Variants in PPARGC1A observed in about 807,000 individuals in gnomAD.
The protein encoded by PPARGC1A is peroxisome proliferator-activated receptor gamma coactivator 1-alpha.
In PPARGC1A, 25 loss-of-function variants were observed where a neutral mutation model predicts 88.7. That is an observed-to-expected ratio of 0.28 (90% confidence interval 0.21 to 0.39). PPARGC1A has a LOEUF of 0.39. Among genes scored for constraint, PPARGC1A ranks in the 10% least tolerant of loss-of-function variants. PPARGC1A has a pLI of 1.00. For missense variants in PPARGC1A, 880 were observed against 968.7 expected, an observed-to-expected ratio of 0.91 and a Z score of 1.22; for synonymous variants, 363 against 355.6, an observed-to-expected ratio of 1.02 and a Z score of -0.24.
the PPARGC1A span, among the ~76,000 whole-genome samples, chr4:24,273,110 C>T: frequency 3.3e-5 from 5 of 152,132 alleles, no homozygotes; most frequent in African/African-American, 7.2e-5. Flanking sequence ...TCTCTTGCAT[C>T]GTTTAAAGCA....
At chr4:24,210,564 T>A in the PPARGC1A span, among the ~76,000 whole-genome samples, 1 of 152,218 alleles carries the variant, frequency 6.6e-6, no homozygotes, top group South Asian at 2.1e-4. Flanking sequence ...ATTCACAGTC[T>A]GTGAAAACAC....
upstream of PPARGC1A, among the ~76,000 whole-genome samples, chr4:23,908,310 G>T (rs1300292174): frequency 6.6e-6 from 1 of 152,144 alleles, no homozygotes; most frequent in Non-Finnish European, 1.5e-5. Context: ...CAGAATAAAA[G>T]GAAAACTTGT....
chr4:23,879,338 G>C (rs1168565355), intron 2 of PPARGC1A, among the ~76,000 whole-genome samples: 1 of 152,180 alleles, frequency 6.6e-6, no homozygotes, highest in East Asian at 1.9e-4. Flanking sequence ...GTGAAAAAAA[G>C]CAGACACCAC....
the PPARGC1A span, among the ~76,000 whole-genome samples, chr4:24,299,071 A>G: frequency 1.3e-5 from 2 of 152,286 alleles, no homozygotes; most frequent in East Asian, 3.9e-4. Flanking sequence ...ATTACCAAGA[A>G]GGGGATAAAA....
chr4:24,450,341 C>T, the PPARGC1A span, among the ~76,000 whole-genome samples: 2 of 152,206 alleles, frequency 1.3e-5, no homozygotes, highest in East Asian at 1.9e-4. Flanking sequence ...ACTCCTTTAA[C>T]TCTTAACCTC....
chr4:24,333,282 C>T, the PPARGC1A span, among the ~76,000 whole-genome samples: 2 of 152,064 alleles, frequency 1.3e-5, no homozygotes, highest in South Asian at 2.1e-4. Flanking sequence ...ATGAGCTAAT[C>T]GACAGTTTCC....
At chr4:24,175,280 A>G in the PPARGC1A span, among the ~76,000 whole-genome samples, 18,889 of 151,620 alleles carry the variant, frequency 0.12, 1,556 homozygotes, top group East Asian at 0.26. Context: ...CATCCCTGTT[A>G]TCAATGATAA....
At chr4:24,459,527 A>C in the PPARGC1A span, among the ~76,000 whole-genome samples, 1 of 151,936 alleles carries the variant, frequency 6.6e-6, no homozygotes, top group Non-Finnish European at 1.5e-5. Flanking sequence ...GCAGTGGTTC[A>C]CTCCTGTAAT....
At chr4:23,885,107 C>A (rs781325859) in intron 1 of PPARGC1A, among the ~76,000 whole-genome samples, 176 bp from the exon 2 acceptor site, 2 of 152,160 alleles carry the variant, frequency 1.3e-5, no homozygotes, top group East Asian at 3.9e-4. Context: ...TCACTTGGCT[C>A]CTGAAGGATA....
At chr4:24,316,076 T>C in the PPARGC1A span, among the ~76,000 whole-genome samples, 1 of 152,232 alleles carries the variant, frequency 6.6e-6, no homozygotes, top group East Asian at 1.9e-4. Context: ...GTGACGGTTC[T>C]GCTCAATTTG....
At chr4:24,461,665 TA>T in the PPARGC1A span, among the ~76,000 whole-genome samples, 7 of 152,026 alleles carry the variant, frequency 4.6e-5, no homozygotes, top group East Asian at 1.9e-4. Context: ...AAAGCTCTCT[TA>T]GGGGGTAGGG....
chr4:23,936,689 T>C, the PPARGC1A span, among the ~76,000 whole-genome samples: 2 of 152,032 alleles, frequency 1.3e-5, no homozygotes, highest in Admixed American at 6.5e-5. Flanking sequence ...TTGGGCGACA[T>C]GGGAAAACCC....
the PPARGC1A span, among the ~76,000 whole-genome samples, chr4:24,180,618 G>T: frequency 6.6e-6 from 1 of 152,134 alleles, no homozygotes; most frequent in Non-Finnish European, 1.5e-5. Context: ...CTAACCCTGG[G>T]CCCATAGGCA....
the PPARGC1A span, among the ~76,000 whole-genome samples, chr4:24,385,233 C>T: frequency 2.0e-5 from 3 of 151,914 alleles, no homozygotes; most frequent in Non-Finnish European, 4.4e-5. Context: ...TCTGGGGCAC[C>T]GCTAAAGCAG....
the PPARGC1A span, among the ~76,000 whole-genome samples, chr4:24,268,397 C>A: frequency 1.3e-5 from 2 of 152,136 alleles, no homozygotes; most frequent in Non-Finnish European, 2.9e-5. Context: ...TAATGATGGC[C>A]TTGCAAATGC....
the PPARGC1A span, among the ~76,000 whole-genome samples, chr4:23,930,454 C>T: frequency 4.7e-3 from 718 of 152,272 alleles, 7 homozygotes; most frequent in African/African-American, 0.016. Context: ...CACTTCAACA[C>T]GGTTCTCTAA....
At chr4:24,333,927 C>CCAACAA in the PPARGC1A span, among the ~76,000 whole-genome samples, 1 of 75,552 alleles carries the variant, frequency 1.3e-5, no homozygotes, top group African/African-American at 5.2e-5. Flanking sequence ...GAGGAAGACT[C>CCAACAA]CAACAACAAC....
chr4:24,065,116 C>T, the PPARGC1A span, among the ~76,000 whole-genome samples: 1 of 152,160 alleles, frequency 6.6e-6, no homozygotes, highest in Non-Finnish European at 1.5e-5. Flanking sequence ...CCTGATACCT[C>T]CCTCATCTCA....
At chr4:24,132,543 C>T in the PPARGC1A span, among the ~76,000 whole-genome samples, 26 of 152,294 alleles carry the variant, frequency 1.7e-4, no homozygotes, top group African/African-American at 6.0e-4. Flanking sequence ...ACTTTCTTCT[C>T]TTGATATGTG....
Sources: gnomAD v4.1 joint callset for allele counts (sites outside exome capture counted in the v4.1 genomes callset) on GRCh38, gnomAD v4.1.1 for gene constraint, MANE v1.5 for transcripts, NCBI Gene and HGNC (gene_info 2026-07-23, HGNC 2026-07-21) for gene names.